LDB2: variants seen among roughly 807,000 people sequenced by gnomAD.
LDB2 encodes LIM domain binding 2, also known as LIM domain-binding protein 2.
LDB2 carries 12 observed loss-of-function variants against 44.3 expected under a neutral mutation model. The ratio of observed to expected loss-of-function variants is 0.27; its 90% CI spans 0.17 to 0.44. LDB2 has a LOEUF of 0.44. LDB2 is among the 20% of genes least tolerant of loss of function. The probability of loss-of-function intolerance (pLI) is 1.00; values close to 1 mark genes in which losing one functional copy is unlikely to be tolerated. For synonymous variants in LDB2, 164 were observed against 174.8 expected (o/e 0.94, Z 0.49); for missense variants, 344 against 473.5 (o/e 0.73, Z 2.54).
chr4:16,592,505 T>TATATATATATATACACACAC (rs757702164), intron 3 of LDB2, among the ~76,000 whole-genome samples: 1 of 108,050 alleles, frequency 9.3e-6, no homozygotes, highest in African/African-American at 3.8e-5. Context: ...TATATATATA[T>TATATATATATATACACACAC]ACACACACAC....
intron 2 of LDB2, among the ~76,000 whole-genome samples, chr4:16,747,141 G>T (rs975173771): frequency 6.6e-6 from 1 of 152,172 alleles, no homozygotes; most frequent in African/African-American, 2.4e-5. Flanking sequence ...GCTTACTCGG[G>T]GCTGGTGGAC....
intron 2 of LDB2, among the ~76,000 whole-genome samples, chr4:16,651,858 G>C (rs368420866): frequency 6.6e-6 from 1 of 152,090 alleles, no homozygotes; most frequent in African/African-American, 2.4e-5. Flanking sequence ...GGGAGGTGGC[G>C]TGCCATAGCA....
At chr4:16,587,262 G>A (rs1013600597) in intron 4 of LDB2, among the ~76,000 whole-genome samples, 4 of 152,152 alleles carry the variant, frequency 2.6e-5, no homozygotes, top group Admixed American at 2.0e-4. Flanking sequence ...CACACTATGT[G>A]CCAGGCATTG....
intron 2 of LDB2, among the ~76,000 whole-genome samples, chr4:16,687,528 CTAAGA>C (rs1418112262): frequency 3.9e-5 from 6 of 152,082 alleles, no homozygotes; most frequent in Admixed American, 6.5e-5. Context: ...GCAGCAGAAA[CTAAGA>C]TAAGGATCAT....
chr4:16,896,349 G>T (rs1724998398), intron 1 of LDB2, among the ~76,000 whole-genome samples: 1 of 152,006 alleles, frequency 6.6e-6, no homozygotes, highest in South Asian at 2.1e-4. Flanking sequence ...TGCGAAAGGA[G>T]GTCTTTTCAA....
intron 2 of LDB2, among the ~76,000 whole-genome samples, chr4:16,637,214 G>A (rs1406024080): frequency 6.6e-6 from 1 of 150,766 alleles, no homozygotes; most frequent in Non-Finnish European, 1.5e-5. Context: ...TACAAAACTG[G>A]ATTGTTTTTC....
At chr4:16,680,033 A>G (rs1465557456) in intron 2 of LDB2, among the ~76,000 whole-genome samples, 1 of 152,108 alleles carries the variant, frequency 6.6e-6, no homozygotes, top group Non-Finnish European at 1.5e-5. Context: ...CCCCAGTGCA[A>G]TGGTATTTGG....
intron 1 of LDB2, among the ~76,000 whole-genome samples, chr4:16,824,136 G>A (rs1782604426): frequency 6.6e-6 from 1 of 152,140 alleles, no homozygotes; most frequent in Non-Finnish European, 1.5e-5. Context: ...ATGTCCATTT[G>A]AGGGAGGGCA....
intron 1 of LDB2, among the ~76,000 whole-genome samples, chr4:16,874,313 G>A (rs1464519605): frequency 6.6e-6 from 1 of 152,052 alleles, no homozygotes; most frequent in Non-Finnish European, 1.5e-5. Flanking sequence ...AAGAAGTACA[G>A]AAAAATCCCG....
intron 2 of LDB2, among the ~76,000 whole-genome samples, chr4:16,624,204 A>G (rs1729665229): frequency 6.6e-6 from 1 of 152,214 alleles, no homozygotes; most frequent in Non-Finnish European, 1.5e-5. Flanking sequence ...TCATTGTTAC[A>G]CAGTGTAGCA....
In LDB2 at chr4:16,897,005, G is replaced by A. The variant is rs1580585932; in HGVS notation, c.132+1349C>T. Among the ~76,000 whole-genome samples, 5 of 152,340 alleles carry A rather than the reference G, an allele frequency of 3.3e-5. No individual in the cohort carries two copies. In the South Asian group the frequency reaches 6.2e-4, roughly 19 times the overall value. ...AGCAGTCATATTTAGCGTCTATGGT[G>A]TATTAACATATAAAGAAAACAGCAG... On this transcript the variant is annotated intron_variant, in intron 1 of 7. Transcript: ENST00000304523.
At chr4:16,777,696 T>C (rs1006558583) in intron 1 of LDB2, among the ~76,000 whole-genome samples, 5 of 152,116 alleles carry the variant, frequency 3.3e-5, no homozygotes, top group South Asian at 2.1e-4. Context: ...AAATTCCTTC[T>C]CTCTTCTGGC....
chr4:16,795,966 G>A (rs935217839), intron 1 of LDB2, among the ~76,000 whole-genome samples: 4 of 152,080 alleles, frequency 2.6e-5, no homozygotes, highest in Non-Finnish European at 5.9e-5. Context: ...GGAGGTCCCC[G>A]AAGTCAAAGA....
At chr4:16,545,331 C>T (rs1275711303) in intron 5 of LDB2, among the ~76,000 whole-genome samples, 1 of 152,086 alleles carries the variant, frequency 6.6e-6, no homozygotes, top group Non-Finnish European at 1.5e-5. Flanking sequence ...CTCCTGATAC[C>T]CCACGATGCA....
chr4:16,691,581 T>C (rs1211042270), intron 2 of LDB2, among the ~76,000 whole-genome samples: 1 of 152,188 alleles, frequency 6.6e-6, no homozygotes, highest in African/African-American at 2.4e-5. Context: ...CACCATTGTT[T>C]CGTGCATGGA....
At chr4:16,786,276 A>G (rs1160268699) in intron 1 of LDB2, among the ~76,000 whole-genome samples, 1 of 152,214 alleles carries the variant, frequency 6.6e-6, no homozygotes, top group Non-Finnish European at 1.5e-5. Context: ...ACTCATTAGC[A>G]GAGCTGGCAA....
chr4:16,656,862 A>C (rs1740019946), intron 2 of LDB2, among the ~76,000 whole-genome samples: 1 of 152,252 alleles, frequency 6.6e-6, no homozygotes, highest in Non-Finnish European at 1.5e-5. Context: ...TGATAATTAA[A>C]TTAAAATTAT....
Position 16,638,117 on chromosome 4 carries a change from A to G in LDB2, c.236-42242T>C, listed in dbSNP as rs1368767644. ...GTCCCTGGCACATGAGAAGGGCTCC[A>G]TGATTGCAAATGACTGAAGAGTCAT... On this transcript the variant is annotated intron_variant, in intron 2 of 7. Coordinates refer to ENST00000304523, the MANE Select transcript of LDB2 (RefSeq NM_001290.5). 3.3e-5 allele frequency among the ~76,000 whole-genome samples: 5 copies of G among 152,244 alleles called. No homozygotes were observed. The East Asian group carries it at 7.7e-4, about 23-fold the overall frequency.
chr4:16,777,469 G>A (rs553325706), intron 1 of LDB2, among the ~76,000 whole-genome samples: 1 of 152,272 alleles, frequency 6.6e-6, no homozygotes, highest in South Asian at 2.1e-4. Context: ...GAAGCTGGCG[G>A]TGGGAGGCTG....
Sources: allele counts gnomAD v4.1 joint callset (sites outside exome capture counted in the v4.1 genomes callset), GRCh38; gene constraint gnomAD v4.1.1; transcripts MANE v1.5; gene names NCBI Gene and HGNC (gene_info 2026-07-23, HGNC 2026-07-21).